Variants in IGF2BP3 observed in about 807,000 individuals in gnomAD.
IGF2BP3 encodes insulin like growth factor 2 mRNA binding protein 3, also known as insulin-like growth factor 2 mRNA-binding protein 3.
IGF2BP3 carries 9 observed loss-of-function variants against 73.8 expected under a neutral mutation model. That is an observed-to-expected ratio of 0.12 (90% confidence interval 0.07 to 0.21). The LOEUF is 0.21. Among genes scored for constraint, IGF2BP3 ranks in the 10% least tolerant of loss-of-function variants. The pLI is 1.00. For synonymous variants in IGF2BP3, 258 were observed against 256.7 expected (o/e 1.01, Z -0.05); for missense variants, 542 against 714.0 (o/e 0.76, Z 2.75).
chr7:23,353,745 G>C (rs1201560712), intron 5 of IGF2BP3, among the ~76,000 whole-genome samples: 10 of 152,182 alleles, frequency 6.6e-5, no homozygotes, highest in Middle Eastern at 3.2e-3. Context: ...AAGCTTCAGA[G>C]GATGATAGCT....
At chr7:23,390,950 C>G (rs1786254699) in intron 3 of IGF2BP3, among the ~76,000 whole-genome samples, 2 of 151,706 alleles carry the variant, frequency 1.3e-5, no homozygotes, top group Admixed American at 6.6e-5. Flanking sequence ...AAGCACCCAC[C>G]ACTACGCCAG....
chr7:23,330,530 C>G (rs1287494944), intron 10 of IGF2BP3, among the ~76,000 whole-genome samples: 1 of 151,840 alleles, frequency 6.6e-6, no homozygotes, highest in Admixed American at 6.6e-5. Flanking sequence ...AAAGCTTAAA[C>G]CTATGATCAT....
chr7:23,365,948 T>C (rs1241431316), intron 3 of IGF2BP3: 1 of 152,314 alleles, frequency 6.6e-6, no homozygotes, highest in Non-Finnish European at 1.5e-5. Context: ...TTCAAAAATC[T>C]ATAGTCAGTC....
chr7:23,330,652 C>T (rs957940200), intron 10 of IGF2BP3, among the ~76,000 whole-genome samples: 6 of 152,146 alleles, frequency 3.9e-5, no homozygotes, highest in Non-Finnish European at 5.9e-5. Context: ...CAATGTTGGC[C>T]GGGCTGGTCT....
intron 2 of IGF2BP3, among the ~76,000 whole-genome samples, chr7:23,423,637 G>C (rs938594299): frequency 1.3e-5 from 2 of 151,994 alleles, no homozygotes; most frequent in Non-Finnish European, 2.9e-5. Flanking sequence ...TCAATTGATA[G>C]TTAAAATGTT....
intron 3 of IGF2BP3, among the ~76,000 whole-genome samples, chr7:23,382,735 A>T (rs1412926863): frequency 6.6e-6 from 1 of 151,660 alleles, no homozygotes; most frequent in Non-Finnish European, 1.5e-5. Context: ...CCCATAACAA[A>T]CTCAATACTT....
At chr7:23,441,564 C>T (rs1433814812) in intron 2 of IGF2BP3, among the ~76,000 whole-genome samples, 1 of 106,900 alleles carries the variant, frequency 9.4e-6, no homozygotes, top group Non-Finnish European at 1.7e-5. Flanking sequence ...AAGAGTGAGA[C>T]TCCATCTCTT....
chr7:23,413,639 AAGGGCTCTCAAATCC>A, intron 3 of IGF2BP3: 1 of 152,278 alleles, frequency 6.6e-6, no homozygotes, highest in South Asian at 2.1e-4. Flanking sequence ...CCATTTAAGG[AAGGGCTCTCAAATCC>A]TCCTTCTAAT....
chr7:23,402,068 G>C (rs927814873), intron 3 of IGF2BP3, among the ~76,000 whole-genome samples: 1 of 152,148 alleles, frequency 6.6e-6, no homozygotes, highest in Admixed American at 6.6e-5. Flanking sequence ...AGTGAGCCGA[G>C]ATTGCACCAC....
chr7:23,330,970 G>T (rs1302347084), intron 10 of IGF2BP3, among the ~76,000 whole-genome samples: 3 of 151,922 alleles, frequency 2.0e-5, no homozygotes, highest in African/African-American at 4.8e-5. Context: ...GCTAATTTTT[G>T]TATTTTTTAG....
intron 2 of IGF2BP3, among the ~76,000 whole-genome samples, chr7:23,424,329 C>T (rs1191303407): frequency 6.6e-6 from 1 of 151,856 alleles, no homozygotes; most frequent in African/African-American, 2.4e-5. Flanking sequence ...GAAACCCCGT[C>T]TCTACTAAAA....
chr7:23,404,760 G>A (rs78309433), intron 3 of IGF2BP3, among the ~76,000 whole-genome samples: 2,190 of 151,674 alleles, frequency 0.014, 49 homozygotes, highest in African/African-American at 0.051. Context: ...CGGCAAGTGG[G>A]GGGTGGGGGT....
Position 23,465,288 on chromosome 7 carries a change from A to G in IGF2BP3, c.236+3194T>C, listed in dbSNP as rs80000976. On this transcript the variant is annotated intron_variant, in intron 2 of 14. Coordinates refer to ENST00000258729, the MANE Select transcript of IGF2BP3 (RefSeq NM_006547.3). ...CGGAGTCAAAGTCTTCATGTTCTGT[A>G]TCTTTTATATTTAGAATAGAGAGTG... Among the ~76,000 whole-genome samples the G allele has an allele frequency of 8.6e-3, 1,316 of 152,338 alleles. 20 individuals are homozygous for G. Among genetic ancestry groups the G allele is most frequent in the Middle Eastern group, 0.014 (4 of 294 alleles).
At chr7:23,373,443 C>T (rs1484347128) in intron 3 of IGF2BP3, among the ~76,000 whole-genome samples, 1 of 151,978 alleles carries the variant, frequency 6.6e-6, no homozygotes, top group Admixed American at 6.6e-5. Context: ...AAATGTAAAT[C>T]AAAACCACAA....
At chr7:23,330,501 T>G (rs1431210262) in intron 10 of IGF2BP3, among the ~76,000 whole-genome samples, 1 of 151,934 alleles carries the variant, frequency 6.6e-6, no homozygotes. Flanking sequence ...CAAAAGAAAT[T>G]TCTTTTGCGT....
intron 5 of IGF2BP3, among the ~76,000 whole-genome samples, chr7:23,357,091 T>C (rs1318056183): frequency 6.6e-6 from 1 of 152,238 alleles, no homozygotes; most frequent in Non-Finnish European, 1.5e-5. Context: ...AAAAATCCCT[T>C]TGTCTCACTG....
At chr7:23,464,729 A>C (rs1006861175) in intron 2 of IGF2BP3, among the ~76,000 whole-genome samples, 2 of 150,828 alleles carry the variant, frequency 1.3e-5, no homozygotes, top group African/African-American at 4.9e-5. Flanking sequence ...TAAAAATAAA[A>C]ATAGAAAAAA....
intron 2 of IGF2BP3, among the ~76,000 whole-genome samples, chr7:23,432,671 G>C (rs1787715363): frequency 6.9e-6 from 1 of 144,198 alleles, no homozygotes; most frequent in African/African-American, 2.7e-5. Flanking sequence ...AGAGGGTCTT[G>C]CTCTGTTGCT....
At chr7:23,378,981 C>T (rs1036575631) in intron 3 of IGF2BP3, among the ~76,000 whole-genome samples, 2 of 152,134 alleles carry the variant, frequency 1.3e-5, no homozygotes, top group Non-Finnish European at 2.9e-5. Context: ...AAAAAAGATG[C>T]TTACCACACC....
Sources: gnomAD v4.1 joint callset for allele counts (sites outside exome capture counted in the v4.1 genomes callset) on GRCh38, gnomAD v4.1.1 for gene constraint, MANE v1.5 for transcripts, NCBI Gene and HGNC (gene_info 2026-07-23, HGNC 2026-07-21) for gene names.